Variants in PRX observed in about 807,000 individuals in gnomAD.
PRX encodes the protein periaxin.
PRX carries 24 observed loss-of-function variants against 29.6 expected under a neutral mutation model. The ratio of observed to expected loss-of-function variants is 0.81; its 90% CI spans 0.59 to 1.14. The LOEUF (loss-of-function observed/expected upper bound fraction) is 1.14, where lower values mean the gene tolerates loss of function less well. Ranked by LOEUF, PRX falls within the 50% of genes most tolerant of loss-of-function variation. PRX has a pLI of 0.00. For synonymous variants in PRX, 772 were observed against 831.7 expected, an observed-to-expected ratio of 0.93 and a Z score of 1.24; for missense variants, 1,838 against 1,926.4, an observed-to-expected ratio of 0.95 and a Z score of 0.86.
At chr19:40,399,850 C>T (rs142864357) in intron 5 of PRX, among the ~76,000 whole-genome samples, 57 of 119,742 alleles carry the variant, frequency 4.8e-4, no homozygotes, top group African/African-American at 1.5e-3. Context: ...AGCTTTCTTT[C>T]CTTTCTTTCT....
In PRX at chr19:40,396,396, C is replaced by A; in HGVS notation, c.1956G>T (p.Val652=). Residue 652 remains valine, a synonymous_variant, in exon 7 of 7, where the codon GTG becomes GTT. Coordinates refer to ENST00000324001, the MANE Select transcript of PRX (RefSeq NM_181882.3). ...PKVPEMAVPD[V]HLPEVQLPKV... ...TCGGGAGCTGCACTTCCGGGAGGTG[C>A]ACATCGGGCACAGCCATCTCGGGCA... The A allele has an allele frequency of 6.2e-7, 1 of 1,613,778 alleles. No individual in the cohort carries two copies. Among genetic ancestry groups the A allele is most frequent in the Non-Finnish European group, 8.5e-7 (1 of 1,179,968 alleles).
chr19:40,403,672 G>A, intron 5 of PRX, 34 bp downstream of exon 5: 1 of 1,525,014 alleles, frequency 6.6e-7, no homozygotes, highest in Non-Finnish European at 8.8e-7. Flanking sequence ...CGCCCCCGCA[G>A]TTCGACCCCG....
Position 40,398,267 on chromosome 19 carries a change from C to T in PRX, c.382-297G>A. The T allele has an allele frequency of 7.1e-7, 1 of 1,414,052 alleles. No individual in the cohort carries two copies. Among genetic ancestry groups the T allele is most frequent in the Non-Finnish European group, 9.2e-7 (1 of 1,088,276 alleles). 87.6% of individuals were successfully genotyped at this position (1,414,052 alleles called of 1,614,324 possible). On this transcript the variant is annotated intron_variant, in intron 6 of 6. Transcript: ENST00000324001. This position sits in a 1 kb window ranked among gnomAD's most constrained non-coding sequence, Gnocchi z 6.3. ...ATTCTAGAGATGGGGAAACTGAGGC[C>T]CAGGGAGAGAAACAACTTTGTCCAG...
At chr19:40,402,632 G>T (rs764687341) in intron 5 of PRX, among the ~76,000 whole-genome samples, 1 of 151,438 alleles carries the variant, frequency 6.6e-6, no homozygotes, top group Non-Finnish European at 1.5e-5. Flanking sequence ...TTAGCCGGGC[G>T]TGGTTGTGGG....
rs984624247 is a variant in PRX at position 40,407,995 on chromosome 19, C to T, written c.-63G>A. 2.5e-6 allele frequency: 4 copies of T among 1,610,196 alleles called. No homozygotes were observed. Among genetic ancestry groups the T allele is most frequent in the South Asian group, 1.1e-5 (1 of 90,752 alleles). Reference sequence around the variant, plus strand: ...GTCCTCTCCCCTTTCTGCTGCAGAACCAGCTTCAGTTCTGCATGGAGCAGC... The same window carrying T: ...GTCCTCTCCCCTTTCTGCTGCAGAATCAGCTTCAGTTCTGCATGGAGCAGC... On this transcript the variant is annotated 5_prime_UTR_variant, in exon 4 of 7. Coordinates refer to ENST00000324001, the MANE Select transcript of PRX (RefSeq NM_181882.3).
intron 4 of PRX, among the ~76,000 whole-genome samples, chr19:40,404,451 G>A (rs1242494958): frequency 7.2e-5 from 11 of 151,998 alleles, no homozygotes; most frequent in Admixed American, 7.2e-4. Flanking sequence ...GGTAGGAGGG[G>A]TAAGACAACA....
chr19:40,399,668 A>G (rs2079474052), intron 5 of PRX, among the ~76,000 whole-genome samples: 2 of 152,086 alleles, frequency 1.3e-5, no homozygotes, highest in African/African-American at 2.4e-5. Context: ...CGTCTCTGGG[A>G]GTTCCTTGTC....
In PRX at chr19:40,397,472, G is replaced by C; in HGVS notation, c.880C>G (p.Gln294Glu). ...GAGGGCAAGGCAGGCAGCTCCACCT[G>C]GGGGACCTGGATTCCCACGGCTGGG... ...EAPAVGIQVPQVELPALPSLP... is the reference protein window; with the variant it reads ...EAPAVGIQVPEVELPALPSLP... The change falls in exon 7 of 7, where the codon CAG becomes GAG. Residue 294 changes from glutamine (Q) to glutamate (E), a missense_variant. Physicochemically the swap from Gln to Glu is conservative, Grantham distance 29. This residue lies in a region of PRX where 666 missense variants were observed against 665.0 expected (regional missense o/e 1.00). Coordinates refer to ENST00000324001, the MANE Select transcript of PRX (RefSeq NM_181882.3). 3 of 1,572,708 alleles carry C rather than the reference G, an allele frequency of 1.9e-6. No homozygotes were observed. The highest frequency in any genetic ancestry group is 2.6e-6 in the Non-Finnish European group (3 of 1,160,998).
At chr19:40,407,011 T>G (rs1375775897) in intron 4 of PRX, among the ~76,000 whole-genome samples, 1 of 152,004 alleles carries the variant, frequency 6.6e-6, no homozygotes, top group Non-Finnish European at 1.5e-5. Flanking sequence ...TAACCTCAAG[T>G]GATCCGCCCG....
chr19:40,407,862 C>T (rs752663925), intron 4 of PRX, 44 bp downstream of exon 4: 1 of 1,611,384 alleles, frequency 6.2e-7, no homozygotes, highest in Non-Finnish European at 8.5e-7. Context: ...TCTGTGCCTC[C>T]CCATTGCCCT....
chr19:40,404,424 T>TGGGGGGGGGGGTGGG (rs71171571), intron 4 of PRX, among the ~76,000 whole-genome samples: 1 of 65,394 alleles, frequency 1.5e-5, no homozygotes, highest in Non-Finnish European at 3.1e-5. Flanking sequence ...AGGGCGGGGC[T>TGGGGGGGGGGGTGGG]GGGGGGGGTT....
At chr19:40,400,615 A>AAAAAAAAAAAAAAAAAAAC (rs2079488053) in intron 5 of PRX, among the ~76,000 whole-genome samples, 1 of 141,796 alleles carries the variant, frequency 7.1e-6, no homozygotes, top group African/African-American at 2.7e-5. Context: ...AAAAAAAAAA[A>AAAAAAAAAAAAAAAAAAAC]AAAGACAAGA....
Position 40,397,322 on chromosome 19 carries a change from C to G in PRX, c.1030G>C (p.Val344Leu), listed in dbSNP as rs1358667101. ...GVDLALPGAE[V>L]EARGEAPEVA... ...TCAGGTGCCTCTCCCCGGGCCTCCA[C>G]CTCTGCACCCGGCAAGGCCAGGTCC... Residue 344 changes from valine to leucine, a missense_variant, in exon 7 of 7, where the codon GTG (valine) becomes CTG (leucine). Coordinates refer to ENST00000324001, the MANE Select transcript of PRX (RefSeq NM_181882.3). 1.2e-6 allele frequency: 2 copies of G among 1,613,200 alleles called. No individual in the cohort carries two copies. The highest frequency in any genetic ancestry group is 2.2e-5 in the South Asian group (2 of 91,088).
Position 40,398,740 on chromosome 19 carries a change from GGC to G in PRX, c.259_260del (p.Ala87ArgfsTer63). On this transcript the variant is annotated frameshift_variant, in exon 6 of 7. Transcript: ENST00000324001. LOFTEE classifies it high-confidence loss of function. This position sits in a 1 kb window ranked among gnomAD's most constrained non-coding sequence, Gnocchi z 6.3. ...GGCAGAAGGAGACTTTGTAAGGCTCGGCGCATTGCAGCAGGCGTAGTGCGTCC... is the reference window on the plus strand; with the variant it reads ...GGCAGAAGGAGACTTTGTAAGGCTCGGCATTGCAGCAGGCGTAGTGCGTCC... Reference protein sequence around the residue: ...YEDALRLLQCAEPYKVSFCLK... With the variant: ...YEDALRLLQCXEPYKVSFCLK... 1 of 1,614,070 alleles carries G rather than the reference GGC, an allele frequency of 6.2e-7. No individual in the cohort carries two copies. The highest frequency in any genetic ancestry group is 1.7e-5 in the Admixed American group (1 of 60,014).
At chr19:40,399,883 CTTTCTTTCTTTCTTTCTTTCTT>C (rs1261684134) in intron 5 of PRX, among the ~76,000 whole-genome samples, 2,460 of 71,690 alleles carry the variant, frequency 0.034, 52 homozygotes, top group African/African-American at 0.12. Flanking sequence ...TTCTTTCTTT[CTTTCTTTCTTTCTTTCTTTCTT>C]TTTCTTTCTT....
At position 40,394,787 on chromosome 19, in the gene PRX, G is replaced by C. The variant is rs2079414711; in HGVS notation, c.3565C>G (p.Gln1189Glu). 1.2e-6 allele frequency: 2 copies of C among 1,613,438 alleles called. No homozygotes were observed. The highest frequency in any genetic ancestry group is 1.7e-6 in the Non-Finnish European group (2 of 1,180,036). The stretch of plus-strand genomic sequence containing the variant: ...GCTCCAGGCAGAGACAGGGTCACCT[G>C]GGGCACCTGAACCCTGTAGCCTGCT... The part of the protein sequence containing the change: ...GTAGYRVQVP[Q>E]VTLSLPGAQV... The change falls in exon 7 of 7, where the codon CAG (glutamine) becomes GAG (glutamate). Residue 1189 changes from glutamine (Q) to glutamate (E), a missense_variant. Transcript: ENST00000324001. This position sits in a 1 kb window ranked among gnomAD's most constrained non-coding sequence, Gnocchi z 5.8.
At chr19:40,404,117 C>G (rs2079515891) in intron 4 of PRX, among the ~76,000 whole-genome samples, 1 of 152,156 alleles carries the variant, frequency 6.6e-6, no homozygotes, top group Admixed American at 6.5e-5. Context: ...AGCGGCTGTT[C>G]AGCGGGCCTT....
chr19:40,395,711 G>T lies in PRX; in HGVS notation c.2641C>A (p.Arg881=), dbSNP rs375201649. The part of the protein sequence containing the change: ...VPAAKMGKGE[R]VEGPEVAAGV... ...GCTGCCACCTCAGGGCCCTCCACCC[G>T]CTCTCCCTTGCCCATTTTAGCGGCT... The change falls in exon 7 of 7, where the codon CGG becomes AGG. Residue 881 remains arginine (R), a synonymous_variant. Transcript: ENST00000324001. The T allele has an allele frequency of 1.5e-5, 24 of 1,613,888 alleles. No individual in the cohort carries two copies. The African/African-American group carries it at 2.9e-4, about 20-fold the overall frequency.
At chr19:40,405,884 G>A (rs1163491679) in intron 4 of PRX, among the ~76,000 whole-genome samples, 2 of 151,100 alleles carry the variant, frequency 1.3e-5, no homozygotes, top group Non-Finnish European at 1.5e-5. Context: ...TGATCCACCC[G>A]CCTCAGCTTC....
Sources: gnomAD v4.1 joint callset for allele counts (sites outside exome capture counted in the v4.1 genomes callset) on GRCh38, gnomAD v4.1.1 for gene constraint, gnomAD v4.1.1 regional missense constraint, Gnocchi (gnomAD v3.1) non-coding constraint, MANE v1.5 for transcripts, NCBI Gene and HGNC (gene_info 2026-07-23, HGNC 2026-07-21) for gene names.